AGBL4: variants seen among roughly 807,000 people sequenced by gnomAD.
AGBL4 encodes AGBL carboxypeptidase 4.
A neutral mutation model predicts 66.4 loss-of-function variants in AGBL4; 58 were observed. The ratio of observed to expected loss-of-function variants is 0.87; its 90% CI spans 0.71 to 1.09. The LOEUF (loss-of-function observed/expected upper bound fraction) is 1.09. AGBL4 is among the 50% of genes least tolerant of loss of function. The pLI is 0.00. For synonymous variants in AGBL4, 234 were observed against 222.9 expected, an observed-to-expected ratio of 1.05 and a Z score of -0.44; for missense variants, 579 against 631.0, an observed-to-expected ratio of 0.92 and a Z score of 0.88.
Position 49,799,464 on chromosome 1 carries a change from T to C in AGBL4, c.157+51932A>G, listed in dbSNP as rs78938269. Among the ~76,000 whole-genome samples, 672 of 152,240 alleles carry C rather than the reference T, an allele frequency of 4.4e-3. 9 individuals carry two copies. The highest frequency in any genetic ancestry group is 0.015 in the African/African-American group (630 of 41,558). The stretch of plus-strand genomic sequence containing the variant: ...GTCCAGGGTTCCATGAATATCCTCA[T>C]TGGAAAGATCTGAGAAAGTTGTATG... On this transcript the variant is annotated intron_variant, in intron 2 of 13. Transcript: ENST00000371839.
chr1:49,501,247 C>A lies in AGBL4; in HGVS notation c.282+196066G>T, dbSNP rs575927515. 1.5e-3 allele frequency among the ~76,000 whole-genome samples: 235 copies of A among 152,236 alleles called. 1 individual carries two copies. The highest frequency in any genetic ancestry group is 5.5e-3 in the African/African-American group (229 of 41,562). On this transcript the variant is annotated intron_variant, in intron 3 of 13. Coordinates refer to ENST00000371839, the MANE Select transcript of AGBL4 (RefSeq NM_032785.4). ...CAGCAGCAAACTCTTTCAATGAGTTCTTTCAAATGATCTCTGAATCCTTTT... is the reference window on the plus strand; with the variant it reads ...CAGCAGCAAACTCTTTCAATGAGTTATTTCAAATGATCTCTGAATCCTTTT...
intron 9 of AGBL4, among the ~76,000 whole-genome samples, chr1:48,594,338 A>G (rs991729492): frequency 6.6e-6 from 1 of 152,170 alleles, no homozygotes; most frequent in African/African-American, 2.4e-5. Flanking sequence ...AAATAAATAA[A>G]TAAATAATAA....
intron 1 of AGBL4, among the ~76,000 whole-genome samples, chr1:49,882,680 C>T (rs1284632504): frequency 6.6e-6 from 1 of 152,054 alleles, no homozygotes; most frequent in Non-Finnish European, 1.5e-5. Context: ...CATGATTTGG[C>T]TCTCTGTTTG....
chr1:48,530,519 C>T (rs147409402), downstream of AGBL4, among the ~76,000 whole-genome samples: 173 of 152,250 alleles, frequency 1.1e-3, no homozygotes, highest in African/African-American at 4.0e-3. Context: ...TTTACCGCCC[C>T]GCCTCCATTT....
Position 48,867,224 on chromosome 1 carries a change from G to A in AGBL4, c.601C>T (p.Arg201Ter), listed in dbSNP as rs758153531. The stretch of plus-strand genomic sequence containing the variant: ...GTTATCGTCAGGAGGTCAAGCTTTC[G>A]TTGTTGCTGCAAAAGAAAACACACT... ...REQLGQSVQQ[R>*]KLDLLTITSP... The change falls in exon 6 of 14, where the codon CGA (arginine) becomes TGA (stop). Residue 201 changes from arginine (R) to a stop codon, truncating the protein, a stop_gained. Transcript: ENST00000371839. LOFTEE classifies it high-confidence loss of function. The A allele has an allele frequency of 1.1e-5, 17 of 1,613,380 alleles. No homozygotes were observed. The highest frequency in any genetic ancestry group is 3.3e-5 in the Admixed American group (2 of 59,910).
At chr1:48,793,562 G>T (rs537870999) in intron 6 of AGBL4, among the ~76,000 whole-genome samples, 9 of 152,150 alleles carry the variant, frequency 5.9e-5, no homozygotes, top group Non-Finnish European at 1.0e-4. Context: ...AGGGGAAGGA[G>T]ATGTGAATTT....
chr1:49,041,232 C>T (rs548823118), intron 5 of AGBL4, among the ~76,000 whole-genome samples: 114 of 152,162 alleles, frequency 7.5e-4, no homozygotes, highest in African/African-American at 2.6e-3. Flanking sequence ...ATCCTCCCTT[C>T]GAATTGGAAT....
intron 5 of AGBL4, among the ~76,000 whole-genome samples, chr1:48,937,279 T>G (rs1655560331): frequency 2.0e-5 from 3 of 152,212 alleles, no homozygotes; most frequent in Non-Finnish European, 4.4e-5. Context: ...TATGATTAGC[T>G]TTAGAGTCAG....
chr1:49,347,732 C>A (rs1006062116), intron 3 of AGBL4, among the ~76,000 whole-genome samples: 1 of 151,420 alleles, frequency 6.6e-6, no homozygotes, highest in African/African-American at 2.4e-5. Flanking sequence ...TGGTGGCAGG[C>A]GCCTGTAGTC....
chr1:49,853,526 T>A (rs1646358088), intron 1 of AGBL4, among the ~76,000 whole-genome samples: 1 of 152,010 alleles, frequency 6.6e-6, no homozygotes, highest in African/African-American at 2.4e-5. Flanking sequence ...CTAAAATATA[T>A]GTATAATTGG....
intron 2 of AGBL4, among the ~76,000 whole-genome samples, chr1:49,760,978 C>T (rs1387578793): frequency 1.3e-5 from 2 of 151,872 alleles, no homozygotes; most frequent in East Asian, 3.9e-4. Context: ...AATGAGAACA[C>T]ATGGACTCAG....
intron 5 of AGBL4, among the ~76,000 whole-genome samples, chr1:48,992,660 T>A (rs948219837): frequency 6.6e-6 from 1 of 152,182 alleles, no homozygotes; most frequent in African/African-American, 2.4e-5. Flanking sequence ...TACTTGGTGC[T>A]CCATTCTACT....
intron 2 of AGBL4, among the ~76,000 whole-genome samples, chr1:49,812,784 C>A (rs1645129984): frequency 6.6e-6 from 1 of 152,158 alleles, no homozygotes; most frequent in South Asian, 2.1e-4. Flanking sequence ...CAAACATTTA[C>A]TGCAGAACTA....
chr1:49,737,447 G>A (rs192337203), intron 2 of AGBL4, among the ~76,000 whole-genome samples: 2 of 152,230 alleles, frequency 1.3e-5, no homozygotes, highest in East Asian at 3.9e-4. Flanking sequence ...ACCAAAAACA[G>A]TATTTTTCAC....
At chr1:49,503,298 G>C (rs1358304388) in intron 3 of AGBL4, among the ~76,000 whole-genome samples, 1 of 152,144 alleles carries the variant, frequency 6.6e-6, no homozygotes, top group Non-Finnish European at 1.5e-5. Flanking sequence ...GATTTCAGAG[G>C]ATGTATGCAA....
chr1:48,776,150 G>C (rs1440294664), intron 6 of AGBL4, among the ~76,000 whole-genome samples: 1 of 152,102 alleles, frequency 6.6e-6, no homozygotes, highest in African/African-American at 2.4e-5. Flanking sequence ...ACTCCAAGGA[G>C]GTACCAACAG....
At chr1:49,927,957 C>T (rs993947301) in intron 1 of AGBL4, among the ~76,000 whole-genome samples, 4 of 151,996 alleles carry the variant, frequency 2.6e-5, no homozygotes, top group Non-Finnish European at 4.4e-5. Flanking sequence ...AACTGTATTC[C>T]ATATGTTCAA....
At chr1:48,722,964 G>C (rs6704212) in intron 6 of AGBL4, among the ~76,000 whole-genome samples, 60,764 of 151,956 alleles carry the variant, frequency 0.4, 12,809 homozygotes, top group East Asian at 0.68. Context: ...CTGTGAGATA[G>C]ATATTACTAT....
chr1:48,983,124 T>C (rs1284116576), intron 5 of AGBL4, among the ~76,000 whole-genome samples: 1 of 152,188 alleles, frequency 6.6e-6, no homozygotes, highest in Non-Finnish European at 1.5e-5. Flanking sequence ...TTCCTGAGAC[T>C]GAAGTTGCTT....
Sources: allele counts gnomAD v4.1 joint callset (sites outside exome capture counted in the v4.1 genomes callset), GRCh38; gene constraint gnomAD v4.1.1; transcripts MANE v1.5; gene names NCBI Gene and HGNC (gene_info 2026-07-23, HGNC 2026-07-21).